The following TBCK variants were observed in gnomAD, a reference collection of about 807,000 sequenced individuals.
TBCK encodes TBC domain-containing protein kinase-like protein.
A neutral mutation model predicts 113.4 loss-of-function variants in TBCK; 99 were observed. That is an observed-to-expected ratio of 0.87 (90% CI 0.74 to 1.03). The LOEUF (loss-of-function observed/expected upper bound fraction) is 1.03, where lower values mean the gene tolerates loss of function less well. Among genes scored for constraint, TBCK ranks in the 50% least tolerant of loss-of-function variants. The probability of loss-of-function intolerance (pLI) is 0.00; values close to 1 mark genes in which losing one functional copy is unlikely to be tolerated. For synonymous variants in TBCK, 369 were observed against 370.8 expected, an observed-to-expected ratio of 1.00 and a Z score of 0.05; for missense variants, 1,045 against 1,061.3, an observed-to-expected ratio of 0.98 and a Z score of 0.21.
intron 25 of TBCK, among the ~76,000 whole-genome samples, chr4:106,055,992 CT>C (rs530952834): frequency 2.7e-5 from 4 of 150,490 alleles, no homozygotes; most frequent in South Asian, 2.1e-4. Context: ...AGCCCTACAC[CT>C]TTTTTTCATG....
chr4:106,161,721 T>C (rs889797784), intron 23 of TBCK, among the ~76,000 whole-genome samples: 8 of 151,982 alleles, frequency 5.3e-5, no homozygotes, highest in Non-Finnish European at 1.5e-5. Context: ...TGTGTGTGTG[T>C]GTGTGTGTAT....
chr4:106,133,952 G>C (rs926195244), intron 23 of TBCK, among the ~76,000 whole-genome samples: 45 of 152,082 alleles, frequency 3.0e-4, no homozygotes, highest in Non-Finnish European at 5.9e-5. Context: ...GGAGGCTGCA[G>C]TGAATGCAGA....
At position 106,260,421 on chromosome 4, in the gene TBCK, G is replaced by A. The variant is rs780403449; in HGVS notation, c.455+16C>T. 8 of 1,165,270 alleles carry A rather than the reference G, an allele frequency of 6.9e-6. No homozygotes were observed. In the South Asian group the frequency reaches 1.4e-4, roughly 21 times the overall value. 72.2% of individuals were successfully genotyped at this position (1,165,270 alleles called of 1,614,324 possible). On this transcript the variant is annotated intron_variant, in intron 5 of 25. Transcript: ENST00000394708. ...AGTTAAAAAGAAACTCAAAATAGAGGAAAACATATCCTTACCCTATTGGGA... is the reference window on the plus strand; with the variant it reads ...AGTTAAAAAGAAACTCAAAATAGAGAAAAACATATCCTTACCCTATTGGGA...
chr4:106,280,914 T>G (rs2125785060), intron 3 of TBCK, among the ~76,000 whole-genome samples: 1 of 152,276 alleles, frequency 6.6e-6, no homozygotes, highest in African/African-American at 2.4e-5. Context: ...CTGGATCTTT[T>G]GTGGTTCCAT....
At chr4:106,212,236 C>A (rs1756232322) in intron 20 of TBCK, among the ~76,000 whole-genome samples, 1 of 151,950 alleles carries the variant, frequency 6.6e-6, no homozygotes, top group Admixed American at 6.6e-5. Context: ...TATTCAACAG[C>A]CTTTAAAAAG....
rs557068937 is a variant in TBCK, at chr4:106,048,752, G to A, written c.2572-2072C>T. ...TTGTGGAAATCAGAAAATGAGTAACGAAGGACTGTACATGCAACTAATCTC... is the reference window on the plus strand; with the variant it reads ...TTGTGGAAATCAGAAAATGAGTAACAAAGGACTGTACATGCAACTAATCTC... On this transcript the variant is annotated intron_variant, in intron 25 of 25. Transcript: ENST00000394708. 4.6e-5 allele frequency among the ~76,000 whole-genome samples: 7 copies of A among 152,194 alleles called. No homozygotes were observed. The East Asian group carries it at 9.7e-4, about 21-fold the overall frequency.
intron 22 of TBCK, among the ~76,000 whole-genome samples, chr4:106,192,860 C>T (rs1458683616): frequency 2.0e-5 from 3 of 151,962 alleles, no homozygotes; most frequent in South Asian, 2.1e-4. Context: ...GTAACTTGGG[C>T]CTGCCTGAAA....
At chr4:106,130,257 T>A (rs561473992) in intron 23 of TBCK, among the ~76,000 whole-genome samples, 6 of 152,324 alleles carry the variant, frequency 3.9e-5, no homozygotes, top group African/African-American at 1.4e-4. Flanking sequence ...AATATGCACA[T>A]CTTTTAATCT....
At chr4:106,270,514 C>T (rs1763382030) in intron 3 of TBCK, among the ~76,000 whole-genome samples, 1 of 152,122 alleles carries the variant, frequency 6.6e-6, no homozygotes, top group South Asian at 2.1e-4. Context: ...CAGAACTTAT[C>T]ATGGCATATA....
At chr4:106,100,280 A>AAAT (rs369437257) in intron 24 of TBCK, among the ~76,000 whole-genome samples, 30,100 of 152,074 alleles carry the variant, frequency 0.2, 3,379 homozygotes, top group South Asian at 0.26. Context: ...TCACTTACAT[A>AAAT]TTTGGTGAGT....
intron 25 of TBCK, among the ~76,000 whole-genome samples, chr4:106,051,324 T>C (rs1176605631): frequency 6.6e-6 from 1 of 151,816 alleles, no homozygotes; most frequent in Non-Finnish European, 1.5e-5. Context: ...TGATACGAGT[T>C]TGAAGTTGAT....
At chr4:106,121,261 T>C (rs1343556517) in intron 23 of TBCK, among the ~76,000 whole-genome samples, 3 of 150,036 alleles carry the variant, frequency 2.0e-5, no homozygotes, top group African/African-American at 7.4e-5. Context: ...CAAACAAAGA[T>C]CAAAAGAGAC....
At chr4:106,167,476 AG>A (rs1213487724) in intron 23 of TBCK, among the ~76,000 whole-genome samples, 20 of 151,566 alleles carry the variant, frequency 1.3e-4, no homozygotes, top group Non-Finnish European at 2.1e-4. Context: ...TTAGAAAACT[AG>A]AAAAAGAACA....
At chr4:106,154,583 G>A (rs985494727) in intron 23 of TBCK, among the ~76,000 whole-genome samples, 2 of 152,062 alleles carry the variant, frequency 1.3e-5, no homozygotes, top group South Asian at 2.1e-4. Flanking sequence ...TGGTGTTGTC[G>A]TCGCAATAGT....
At chr4:106,061,268 G>A (rs928667143) in intron 25 of TBCK, among the ~76,000 whole-genome samples, 4 of 151,580 alleles carry the variant, frequency 2.6e-5, no homozygotes, top group Non-Finnish European at 1.5e-5. Context: ...TACGGCAAAC[G>A]TCATTGTTGT....
intron 25 of TBCK, among the ~76,000 whole-genome samples, chr4:106,082,926 CTG>C (rs964044742): frequency 6.6e-6 from 1 of 152,256 alleles, no homozygotes; most frequent in Admixed American, 6.5e-5. Context: ...CCAGGGGAAA[CTG>C]TGCTTTTCAA....
intron 20 of TBCK, among the ~76,000 whole-genome samples, chr4:106,198,750 G>A (rs1295735123): frequency 1.3e-5 from 2 of 151,846 alleles, no homozygotes; most frequent in Non-Finnish European, 2.9e-5. Context: ...ATTCATGCTT[G>A]CTTTTGTTCA....
chr4:106,166,274 TAAAC>T (rs1750361401), intron 23 of TBCK, among the ~76,000 whole-genome samples: 2 of 151,586 alleles, frequency 1.3e-5, no homozygotes, highest in South Asian at 2.1e-4. Context: ...CATAAAAAAT[TAAAC>T]AAAATAGGTA....
At chr4:106,306,727 T>C (rs920059913) in intron 2 of TBCK, among the ~76,000 whole-genome samples, 15 of 152,174 alleles carry the variant, frequency 9.9e-5, no homozygotes, top group Non-Finnish European at 1.5e-5. Flanking sequence ...GCTTCAAAGC[T>C]AGGTTTCTAT....
Sources: allele counts gnomAD v4.1 joint callset (sites outside exome capture counted in the v4.1 genomes callset), GRCh38; gene constraint gnomAD v4.1.1; transcripts MANE v1.5; gene names NCBI Gene and HGNC (gene_info 2026-07-23, HGNC 2026-07-21).